Variants in LDAH observed in about 807,000 individuals in gnomAD.
LDAH encodes the protein lipid droplet-associated hydrolase.
LDAH carries 26 observed loss-of-function variants against 29.6 expected under a neutral mutation model. The ratio of observed to expected loss-of-function variants is 0.88; its 90% CI spans 0.64 to 1.22. The LOEUF (loss-of-function observed/expected upper bound fraction) is 1.22, where lower values mean the gene tolerates loss of function less well. LDAH is among the 50% of genes most tolerant of loss of function. LDAH has a pLI of 0.00. For missense variants in LDAH, 344 were observed against 387.3 expected (o/e 0.89, Z 0.94); for synonymous variants, 117 against 133.0 (o/e 0.88, Z 0.83).
At position 20,744,967 on chromosome 2, in the gene LDAH, G is replaced by C. The variant is rs377334836; in HGVS notation, c.469-4762C>G. On this transcript the variant is annotated intron_variant, in intron 4 of 6. Transcript: ENST00000237822. ...CAGTCTGTCTCTCTAGTCTTTTGGG[G>C]ACAGTGGTTTTCCCTGTGTCCTCCC... 2.6e-4 allele frequency among the ~76,000 whole-genome samples: 40 copies of C among 152,192 alleles called. 1 individual carries two copies. The South Asian group carries it at 6.3e-3, about 24-fold the overall frequency.
intron 5 of LDAH, among the ~76,000 whole-genome samples, chr2:20,707,015 T>TA (rs909624591): frequency 6.6e-6 from 1 of 152,180 alleles, no homozygotes; most frequent in African/African-American, 2.4e-5. Flanking sequence ...GCTAAATTCT[T>TA]AGAGATAGCA....
chr2:20,760,287 G>T (rs965367840), intron 4 of LDAH, among the ~76,000 whole-genome samples: 1 of 152,168 alleles, frequency 6.6e-6, no homozygotes, highest in Non-Finnish European at 1.5e-5. Context: ...GGCCACTACT[G>T]GTCTTAGAGG....
At chr2:20,767,580 C>T (rs1669130908) in intron 4 of LDAH, among the ~76,000 whole-genome samples, 1 of 152,178 alleles carries the variant, frequency 6.6e-6, no homozygotes, top group Non-Finnish European at 1.5e-5. Context: ...AACCTGGGTG[C>T]CTTAGATGCT....
rs185687482 is a variant in LDAH at position 20,686,724 on chromosome 2, T to G, written c.*179A>C. The G allele has an allele frequency of 4.0e-3, 2,161 of 534,120 alleles. 7 individuals carry two copies. Among genetic ancestry groups the G allele is most frequent in the Non-Finnish European group, 5.9e-3 (1,795 of 302,282 alleles). 33.1% of individuals were successfully genotyped at this position (534,120 alleles called of 1,614,324 possible). A position where few individuals can be genotyped will look rare whatever the true frequency, so the allele number is the denominator to read the frequency against. On this transcript the variant is annotated 3_prime_UTR_variant, in exon 7 of 7. Transcript: ENST00000237822. ...ATGTATGGTTAAACCTATGGAATGA[T>G]TCATCAACTGTGTTTACTTCAGCCT... is the stretch of plus-strand genomic sequence containing the variant.
At chr2:20,821,464 T>C (rs1171176837) in intron 1 of LDAH, among the ~76,000 whole-genome samples, 1 of 152,112 alleles carries the variant, frequency 6.6e-6, no homozygotes, top group Admixed American at 6.5e-5. Flanking sequence ...ATGTCCTTTG[T>C]AGGGACATGG....
chr2:20,792,267 T>C (rs928539864), intron 2 of LDAH, among the ~76,000 whole-genome samples: 2 of 152,138 alleles, frequency 1.3e-5, no homozygotes, highest in African/African-American at 4.8e-5. Flanking sequence ...AAAATAATAA[T>C]AGCTAATATT....
chr2:20,736,069 C>T (rs1381446765), intron 5 of LDAH, among the ~76,000 whole-genome samples: 2 of 152,110 alleles, frequency 1.3e-5, no homozygotes, highest in African/African-American at 2.4e-5. Flanking sequence ...GTAAAGTCCA[C>T]TCAATCTTTG....
At chr2:20,725,476 A>G (rs1275661026) in intron 5 of LDAH, among the ~76,000 whole-genome samples, 1 of 152,174 alleles carries the variant, frequency 6.6e-6, no homozygotes, top group Non-Finnish European at 1.5e-5. Context: ...CATGGCAACG[A>G]TGGATTTTAG....
chr2:20,816,852 T>C (rs1181320192), intron 1 of LDAH, among the ~76,000 whole-genome samples: 4 of 151,262 alleles, frequency 2.6e-5, no homozygotes, highest in Non-Finnish European at 5.9e-5. Context: ...AAATTAAAAA[T>C]TATACAGCTT....
chr2:20,740,500 G>A (rs1248042795), intron 4 of LDAH, among the ~76,000 whole-genome samples: 1 of 151,954 alleles, frequency 6.6e-6, no homozygotes, highest in African/African-American at 2.4e-5. Flanking sequence ...GTAGAGAGAG[G>A]GTCTCCCTGT....
chr2:20,740,182 A>G lies in LDAH; in HGVS notation c.492T>C (p.Phe164=), dbSNP rs1252509700. 1.2e-6 allele frequency: 2 copies of G among 1,613,992 alleles called. No individual in the cohort carries two copies. The highest frequency in any genetic ancestry group is 2.2e-5 in the South Asian group (2 of 91,052). Residue 164 remains phenylalanine, a synonymous_variant, in exon 5 of 7, where the codon TTT becomes TTC. Transcript: ENST00000237822. ...ACTCAGACATTCGTTCAATTGTTGGAAAGAGCAGAAAGGCACGAATTACCT... is the reference window on the plus strand; with the variant it reads ...ACTCAGACATTCGTTCAATTGTTGGGAAGAGCAGAAAGGCACGAATTACCT... ...ELPVIRAFLL[F]PTIERMSESP... is the part of the protein sequence containing the mutation.
intron 5 of LDAH, among the ~76,000 whole-genome samples, chr2:20,706,764 G>C (rs946841694): frequency 6.6e-6 from 1 of 151,910 alleles, no homozygotes; most frequent in African/African-American, 2.4e-5. Context: ...CTGGATATTG[G>C]GCAACAAAAA....
At chr2:20,724,372 G>A (rs1665869761) in intron 5 of LDAH, among the ~76,000 whole-genome samples, 1 of 152,132 alleles carries the variant, frequency 6.6e-6, no homozygotes, top group Non-Finnish European at 1.5e-5. Context: ...TAACTTAAGG[G>A]CAGGAACTAT....
chr2:20,776,455 C>T (rs1363624885), intron 3 of LDAH, among the ~76,000 whole-genome samples: 1 of 152,156 alleles, frequency 6.6e-6, no homozygotes, highest in Admixed American at 6.6e-5. Flanking sequence ...TATCACTGCT[C>T]CCCAAAGTCC....
chr2:20,780,187 C>G (rs1053380680), intron 3 of LDAH, among the ~76,000 whole-genome samples: 2 of 152,138 alleles, frequency 1.3e-5, no homozygotes, highest in African/African-American at 4.8e-5. Flanking sequence ...TTTAACACTG[C>G]TATCTTATTT....
chr2:20,707,635 C>G (rs960234420), intron 5 of LDAH, among the ~76,000 whole-genome samples: 1 of 152,152 alleles, frequency 6.6e-6, no homozygotes, highest in Admixed American at 6.5e-5. Flanking sequence ...AGGTGCAGAT[C>G]AGCACAATTG....
chr2:20,820,923 AAAAC>A (rs777916812), intron 1 of LDAH, among the ~76,000 whole-genome samples: 6,562 of 142,354 alleles, frequency 0.046, 212 homozygotes, highest in Non-Finnish European at 0.07. Flanking sequence ...TTACAAGAAA[AAAAC>A]AAACAACCCC....
intron 1 of LDAH, among the ~76,000 whole-genome samples, chr2:20,819,050 A>G (rs548661440): frequency 6.6e-6 from 1 of 152,314 alleles, no homozygotes; most frequent in East Asian, 1.9e-4. Flanking sequence ...TAAAGCTTAA[A>G]TGATGAAGAT....
intron 2 of LDAH, 43 bp downstream of exon 2, chr2:20,801,267 G>A: frequency 5.1e-6 from 8 of 1,574,158 alleles, no homozygotes; most frequent in Non-Finnish European, 6.9e-6. Flanking sequence ...ACATAGTTAT[G>A]AGTATCTACA....
Sources: allele counts gnomAD v4.1 joint callset (sites outside exome capture counted in the v4.1 genomes callset), GRCh38; gene constraint gnomAD v4.1.1; transcripts MANE v1.5; gene names NCBI Gene and HGNC (gene_info 2026-07-23, HGNC 2026-07-21).